F5: variants seen among roughly 807,000 people sequenced by gnomAD.
The protein encoded by F5 is coagulation factor V.
A neutral mutation model predicts 216.4 loss-of-function variants in F5; 138 were observed. The observed-to-expected ratio is 0.64, with a 90% CI of 0.56 to 0.73. The LOEUF (loss-of-function observed/expected upper bound fraction) is 0.73, where lower values mean the gene tolerates loss of function less well. Among genes scored for constraint, F5 ranks in the 30% least tolerant of loss-of-function variants. The pLI is 0.00. For missense variants in F5, 2,403 were observed against 2,674.0 expected, an observed-to-expected ratio of 0.90 and a Z score of 2.24; for synonymous variants, 916 against 930.7, an observed-to-expected ratio of 0.98 and a Z score of 0.29.
In F5 at chr1:169,556,846, T is replaced by G; in HGVS notation, c.752A>C (p.Asp251Ala). The change falls in exon 6 of 25, where the codon GAC (aspartate) becomes GCC (alanine). Residue 251 changes from aspartate to alanine, a missense_variant. Coordinates refer to ENST00000367797, the MANE Select transcript of F5 (RefSeq NM_000130.5). ...TCCCAGCAGATGCCAGCTGATGTGGTCATGGGCACAAACTGTTATATCTGA... is the reference window on the plus strand; with the variant it reads ...TCCCAGCAGATGCCAGCTGATGTGGGCATGGGCACAAACTGTTATATCTGA... ...TMPDITVCAH[D>A]HISWHLLGMS... is the part of the protein sequence containing the mutation. The G allele has an allele frequency of 6.2e-7, 1 of 1,613,956 alleles. No homozygotes were observed. Among genetic ancestry groups the G allele is most frequent in the Non-Finnish European group, 8.5e-7 (1 of 1,179,978 alleles).
At chr1:169,537,123 A>T (rs955294782) in intron 13 of F5, among the ~76,000 whole-genome samples, 1 of 152,182 alleles carries the variant, frequency 6.6e-6, no homozygotes, top group Non-Finnish European at 1.5e-5. Flanking sequence ...TACTCTCTCC[A>T]GTGGTAAGCA....
At chr1:169,573,779 A>T (rs950687166) in intron 2 of F5, among the ~76,000 whole-genome samples, 1 of 152,190 alleles carries the variant, frequency 6.6e-6, no homozygotes, top group Admixed American at 6.5e-5. Flanking sequence ...GATGTATGAT[A>T]GGAGCGACTG....
chr1:169,582,038 C>T (rs1159811687), intron 2 of F5, among the ~76,000 whole-genome samples: 3 of 152,196 alleles, frequency 2.0e-5, no homozygotes, highest in Non-Finnish European at 2.9e-5. Context: ...TTTCAATGCC[C>T]AGCCCATACC....
intron 10 of F5, among the ~76,000 whole-genome samples, chr1:169,549,203 G>A (rs778471129): frequency 2.0e-5 from 3 of 152,148 alleles, no homozygotes; most frequent in Non-Finnish European, 4.4e-5. Context: ...TTAATAATAT[G>A]AGACTACAAT....
Position 169,544,280 on chromosome 1 carries a change from C to T in F5, c.1975+16G>A. 6.2e-7 allele frequency: 1 copy of T among 1,609,576 alleles called. No individual in the cohort carries two copies. The highest frequency in any genetic ancestry group is 8.5e-7 in the Non-Finnish European group (1 of 1,176,232). ...CAAAGCAAGCTTCCTCTGTGAGTGT[C>T]CAGACTCTTACTCACCAACATTATC... On this transcript the variant is annotated intron_variant, in intron 12 of 24. Transcript: ENST00000367797.
At chr1:169,574,125 C>A (rs1660788426) in intron 2 of F5, among the ~76,000 whole-genome samples, 1 of 152,112 alleles carries the variant, frequency 6.6e-6, no homozygotes, top group African/African-American at 2.4e-5. Context: ...TAGGTTATTG[C>A]AAATACTATG....
At chr1:169,573,944 A>G (rs1660785228) in intron 2 of F5, among the ~76,000 whole-genome samples, 1 of 152,200 alleles carries the variant, frequency 6.6e-6, no homozygotes, top group African/African-American at 2.4e-5. Flanking sequence ...TTACACATCC[A>G]TGGAGTCAAC....
rs960530541 is a variant in F5, at chr1:169,512,980, G to A, written c.*1333C>T. On this transcript the variant is annotated 3_prime_UTR_variant, in exon 25 of 25. Coordinates refer to ENST00000367797, the MANE Select transcript of F5 (RefSeq NM_000130.5). ...GTATGTTGTCTCTTTGTTCTCATTG[G>A]TTTTAAGGAACTTATTTATTTCTGC... Among the ~76,000 whole-genome samples the A allele has an allele frequency of 2.6e-5, 4 of 151,988 alleles. No homozygotes were observed.
At chr1:169,572,414 A>G in intron 2 of F5, 71 bp from the exon 3 acceptor site, 1 of 1,569,076 alleles carries the variant, frequency 6.4e-7, no homozygotes, top group Non-Finnish European at 8.7e-7. Flanking sequence ...AGCAAGAAAA[A>G]CAAACAGATG....
intron 23 of F5, among the ~76,000 whole-genome samples, chr1:169,517,171 A>G (rs763125558): frequency 2.6e-5 from 4 of 152,132 alleles, no homozygotes; most frequent in Non-Finnish European, 4.4e-5. Flanking sequence ...CAAATGGTGG[A>G]AGGAGCATGG....
intron 3 of F5, among the ~76,000 whole-genome samples, chr1:169,563,855 CTCTT>C (rs75422509): frequency 0.27 from 41,303 of 151,694 alleles, 5,912 homozygotes; most frequent in South Asian, 0.36. Flanking sequence ...CTTCTATTCT[CTCTT>C]TCACTTCTCA....
intron 2 of F5, among the ~76,000 whole-genome samples, chr1:169,576,477 G>A (rs542902439): frequency 2.0e-5 from 3 of 152,288 alleles, no homozygotes; most frequent in African/African-American, 2.4e-5. Context: ...TAGGAATCGG[G>A]GGACAAAGGT....
chr1:169,548,873 G>GA (rs375498661), intron 10 of F5, among the ~76,000 whole-genome samples: 1,112 of 104,552 alleles, frequency 0.011, 6 homozygotes, highest in Non-Finnish European at 0.015. Context: ...TGTCTCAAAA[G>GA]AAAAAAAAAA....
chr1:169,526,008 T>C lies in F5; in HGVS notation c.5609A>G (p.Lys1870Arg), dbSNP rs1373062248. Residue 1870 changes from lysine to arginine, a missense_variant, in exon 18 of 25, where the codon AAA (lysine) becomes AGA (arginine). Around this residue, in one of 4 missense-constraint regions of F5, gnomAD observed 659 missense variants for 787.9 expected, o/e 0.84. Coordinates refer to ENST00000367797, the MANE Select transcript of F5 (RefSeq NM_000130.5). ...TTTTGATGCCTTCATTTCAAGAGTT[T>C]TAAATGAACCTAAAATAAAAAGAAC... ...GVWPLLPGSF[K>R]TLEMKASKPG... The C allele has an allele frequency of 6.2e-7, 1 of 1,609,668 alleles. No individual in the cohort carries two copies. The highest frequency in any genetic ancestry group is 2.2e-5 in the East Asian group (1 of 44,846).
In F5 at chr1:169,518,411, C is replaced by T. The variant is rs1659210315; in HGVS notation, c.6345+1G>A. On this transcript the variant is annotated splice_donor_variant, in intron 23 of 24. Coordinates refer to ENST00000367797, the MANE Select transcript of F5 (RefSeq NM_000130.5). LOFTEE classifies it high-confidence loss of function. ...AACACCATGCATAGAGTATACTTGA[C>T]CTTGGCTTGCCAGGCATTCACACGT... 6.2e-7 allele frequency: 1 copy of T among 1,613,616 alleles called. No homozygotes were observed. The highest frequency in any genetic ancestry group is 8.5e-7 in the Non-Finnish European group (1 of 1,179,672).
At chr1:169,515,835 A>G in intron 23 of F5, 2 of 574,964 alleles carry the variant, frequency 3.5e-6, no homozygotes. Flanking sequence ...CACACATTGT[A>G]CTATAATTGT....
chr1:169,578,025 A>T (rs1410470570), intron 2 of F5, among the ~76,000 whole-genome samples: 1 of 152,152 alleles, frequency 6.6e-6, no homozygotes, highest in Non-Finnish European at 1.5e-5. Flanking sequence ...GGGGAATGGG[A>T]GAGGCCACAT....
chr1:169,524,947 G>T (rs6014), intron 18 of F5, 39 bp from the exon 19 acceptor site: 1 of 1,497,544 alleles, frequency 6.7e-7, no homozygotes, highest in Non-Finnish European at 9.3e-7. Flanking sequence ...TTTTTGCTTA[G>T]AAAATATATA....
Position 169,541,471 on chromosome 1 carries a change from C to A in F5, c.3619G>T (p.Asp1207Tyr). The A allele has an allele frequency of 6.2e-7, 1 of 1,613,948 alleles. No individual in the cohort carries two copies. The highest frequency in any genetic ancestry group is 8.5e-7 in the Non-Finnish European group (1 of 1,179,976). Reference sequence around the variant, plus strand: ...GGAGAGAGAGTCGTGTGGCTGAGGTCTGGAGAGAGGTTTGTCTGGCTGAGT... The same window carrying A: ...GGAGAGAGAGTCGTGTGGCTGAGGTATGGAGAGAGGTTTGTCTGGCTGAGT... ...PELSQTNLSP[D>Y]LSHTTLSPEL... The change falls in exon 13 of 25, where the codon GAC becomes TAC. Residue 1207 changes from aspartate to tyrosine, a missense_variant. By Grantham distance (160) the Asp-to-Tyr change is radical (BLOSUM62 -3). Around this residue, in one of 4 missense-constraint regions of F5, gnomAD observed 1,425 missense variants for 1,554.8 expected, o/e 0.92. Coordinates refer to ENST00000367797, the MANE Select transcript of F5 (RefSeq NM_000130.5).
Sources: allele counts gnomAD v4.1 joint callset (sites outside exome capture counted in the v4.1 genomes callset), GRCh38; gene constraint gnomAD v4.1.1; regional missense constraint gnomAD v4.1.1; transcripts MANE v1.5; gene names NCBI Gene and HGNC (gene_info 2026-07-23, HGNC 2026-07-21).